FHIT: variants seen among roughly 807,000 people sequenced by gnomAD.
FHIT encodes the protein fragile histidine triad diadenosine triphosphatase, also known as bis(5'-adenosyl)-triphosphatase.
Under a neutral mutation model 17.9 loss-of-function variants are expected in FHIT, and 19 were observed. That is an observed-to-expected ratio of 1.06 (90% CI 0.74 to 1.56). The LOEUF is 1.56. Among genes scored for constraint, FHIT ranks in the 40% most tolerant of loss-of-function variants. FHIT has a pLI of 0.00. For missense variants in FHIT, 248 were observed against 189.2 expected (o/e 1.31, Z -1.82); for synonymous variants, 81 against 69.7 (o/e 1.16, Z -0.81).
intron 4 of FHIT, among the ~76,000 whole-genome samples, chr3:60,813,024 A>G (rs1333832020): frequency 2.0e-5 from 3 of 152,214 alleles, no homozygotes; most frequent in Admixed American, 2.0e-4. Flanking sequence ...TTGTCATGGT[A>G]TGGAGAAGAG....
At chr3:60,164,609 C>T (rs1432672647) in intron 5 of FHIT, among the ~76,000 whole-genome samples, 1 of 144,328 alleles carries the variant, frequency 6.9e-6, no homozygotes, top group Non-Finnish European at 1.5e-5. Context: ...AGTAATTGGT[C>T]AAAAAAAAAA....
intron 5 of FHIT, among the ~76,000 whole-genome samples, chr3:60,298,496 G>T (rs374830038): frequency 6.6e-6 from 1 of 152,146 alleles, no homozygotes. Flanking sequence ...AAAAGTATTC[G>T]ATCTTCCAAC....
intron 5 of FHIT, among the ~76,000 whole-genome samples, chr3:60,028,581 G>A (rs1480324615): frequency 6.6e-6 from 1 of 152,094 alleles, no homozygotes; most frequent in African/African-American, 2.4e-5. Flanking sequence ...ATGGATAATC[G>A]AAAGAGGGAA....
At chr3:60,437,954 A>AT (rs1265293023) in intron 5 of FHIT, among the ~76,000 whole-genome samples, 1 of 152,128 alleles carries the variant, frequency 6.6e-6, no homozygotes, top group Non-Finnish European at 1.5e-5. Flanking sequence ...GGTAATTTAC[A>AT]TTTTTTAAAA....
In FHIT at chr3:60,175,851, C is replaced by T. The variant is rs1420114272; in HGVS notation, c.104-161699G>A. Among the ~76,000 whole-genome samples the T allele has an allele frequency of 3.3e-5, 5 of 152,092 alleles. No homozygotes were observed. The East Asian group carries it at 9.6e-4, about 29-fold the overall frequency. The stretch of plus-strand genomic sequence containing the variant: ...GTGGGTTTCATTACTGTTAACTACC[C>T]TAGTACAACCCATAGAAACCATGAC... On this transcript the variant is annotated intron_variant, in intron 5 of 9. Transcript: ENST00000492590.
chr3:60,004,639 A>G (rs1282494771), intron 7 of FHIT, among the ~76,000 whole-genome samples: 3 of 152,152 alleles, frequency 2.0e-5, no homozygotes, highest in Admixed American at 6.5e-5. Context: ...AGGATACAAC[A>G]TATTTCTTTA....
intron 4 of FHIT, among the ~76,000 whole-genome samples, chr3:60,673,873 A>T (rs952060027): frequency 5.3e-5 from 8 of 152,104 alleles, no homozygotes; most frequent in African/African-American, 1.9e-4. Flanking sequence ...GCCGTCATAC[A>T]TCCAGGTATG....
chr3:61,062,725 C>T (rs992352115), intron 2 of FHIT, among the ~76,000 whole-genome samples: 7 of 152,088 alleles, frequency 4.6e-5, no homozygotes, highest in African/African-American at 1.4e-4. Context: ...TTTCTTGGAG[C>T]TGTATTGGTT....
chr3:60,703,798 T>C (rs1470779651), intron 4 of FHIT, among the ~76,000 whole-genome samples: 3 of 152,184 alleles, frequency 2.0e-5, no homozygotes, highest in African/African-American at 7.2e-5. Flanking sequence ...ATATCTAGTT[T>C]ACATGTAAAA....
chr3:60,663,153 G>GTGATATATATATATATAT lies in FHIT; in HGVS notation c.-17-126175_-17-126174insATATATATATATATATCA, dbSNP rs57146494. Among the ~76,000 whole-genome samples, 157 of 77,992 alleles carry GTGATATATATATATATAT rather than the reference G, an allele frequency of 2.0e-3. 24 individuals are homozygous for GTGATATATATATATATAT. The highest frequency in any genetic ancestry group is 8.0e-3 in the South Asian group (17 of 2,114). The allele number at this position is 77,992 out of a possible 152,430, so 51.2% of individuals were successfully genotyped here. Reference sequence around the variant, plus strand: ...CTATATAGCCCTAATATTGGGTGGAGATATATATCTCTTTAATGTTGGGTT... The same window carrying GTGATATATATATATATAT: ...CTATATAGCCCTAATATTGGGTGGAGTGATATATATATATATATATATATATCTCTTTAATGTTGGGTT... On this transcript the variant is annotated intron_variant, in intron 4 of 9. Coordinates refer to ENST00000492590, the MANE Select transcript of FHIT (RefSeq NM_002012.4).
chr3:60,398,249 G>A (rs192759419), intron 5 of FHIT, among the ~76,000 whole-genome samples: 32 of 152,118 alleles, frequency 2.1e-4, no homozygotes, highest in Admixed American at 2.6e-4. Flanking sequence ...TGTGGTTATC[G>A]GAAACCTGAA....
chr3:60,134,998 G>T (rs1387470761), intron 5 of FHIT, among the ~76,000 whole-genome samples: 1 of 152,054 alleles, frequency 6.6e-6, no homozygotes, highest in East Asian at 1.9e-4. Context: ...GAAAGGAGAT[G>T]AAAAAGGATA....
intron 3 of FHIT, among the ~76,000 whole-genome samples, chr3:60,959,152 T>A (rs1709298032): frequency 6.6e-6 from 1 of 152,334 alleles, no homozygotes; most frequent in East Asian, 1.9e-4. Context: ...GCTTTATAAA[T>A]GTAACTGCTC....
At chr3:61,085,383 T>A (rs531503000) in intron 2 of FHIT, among the ~76,000 whole-genome samples, 1 of 152,282 alleles carries the variant, frequency 6.6e-6, no homozygotes, top group East Asian at 1.9e-4. Context: ...TAATATTTCA[T>A]ACTATTCCTC....
intron 2 of FHIT, among the ~76,000 whole-genome samples, chr3:61,190,677 G>A (rs762928036): frequency 6.6e-6 from 1 of 152,044 alleles, no homozygotes; most frequent in Admixed American, 6.6e-5. Context: ...ACTTGGAACC[G>A]ACCCAAATGC....
At chr3:60,882,449 A>G (rs919850407) in intron 3 of FHIT, among the ~76,000 whole-genome samples, 3 of 152,200 alleles carry the variant, frequency 2.0e-5, no homozygotes, top group Non-Finnish European at 4.4e-5. Context: ...CCTGATGAAC[A>G]TCGATGCAAA....
chr3:59,874,796 C>T (rs1197196912), intron 8 of FHIT, among the ~76,000 whole-genome samples: 2 of 151,992 alleles, frequency 1.3e-5, no homozygotes, highest in Non-Finnish European at 2.9e-5. Context: ...CTGCTGTTTT[C>T]CCCTTTAGAG....
intron 5 of FHIT, among the ~76,000 whole-genome samples, chr3:60,456,567 G>C (rs1266041773): frequency 1.3e-5 from 2 of 152,180 alleles, no homozygotes; most frequent in African/African-American, 4.8e-5. Flanking sequence ...TAGCAATTAA[G>C]TTAATGGCAG....
chr3:60,435,749 A>AC (rs2030167258), intron 5 of FHIT, among the ~76,000 whole-genome samples: 1 of 152,098 alleles, frequency 6.6e-6, no homozygotes, highest in Admixed American at 6.6e-5. Context: ...TTATTTCATC[A>AC]CCCAGGTATT....
Sources: gnomAD v4.1 joint callset for allele counts (sites outside exome capture counted in the v4.1 genomes callset) on GRCh38, gnomAD v4.1.1 for gene constraint, MANE v1.5 for transcripts, NCBI Gene and HGNC (gene_info 2026-07-23, HGNC 2026-07-21) for gene names.